DSCAM: variants seen among roughly 807,000 people sequenced by gnomAD.
DSCAM encodes the protein cell adhesion molecule DSCAM.
In DSCAM, 47 loss-of-function variants were observed where a neutral mutation model predicts 217.7. That is an observed-to-expected ratio of 0.22 (90% confidence interval 0.17 to 0.28). DSCAM has a LOEUF of 0.28. DSCAM is among the 10% of genes least tolerant of loss of function. The pLI is 1.00. For synonymous variants in DSCAM, 1,056 were observed against 1,015.3 expected (o/e 1.04, Z -0.76); for missense variants, 2,080 against 2,618.3 (o/e 0.79, Z 4.49).
intron 9 of DSCAM, among the ~76,000 whole-genome samples, chr21:40,306,994 T>C (rs1449259604): frequency 2.0e-5 from 3 of 152,156 alleles, no homozygotes; most frequent in African/African-American, 4.8e-5. Flanking sequence ...TTTCTATTGA[T>C]TGGAATAATT....
chr21:40,630,364 T>C (rs542955010), intron 3 of DSCAM, among the ~76,000 whole-genome samples: 16 of 152,316 alleles, frequency 1.1e-4, no homozygotes, highest in Non-Finnish European at 1.9e-4. Context: ...TTATGTATAT[T>C]TTACCACAAC....
chr21:40,702,752 T>A (rs1197103638), intron 2 of DSCAM, among the ~76,000 whole-genome samples: 1 of 152,186 alleles, frequency 6.6e-6, no homozygotes, highest in Admixed American at 6.5e-5. Context: ...CTATTTTTTC[T>A]CCTTTGTGGG....
chr21:40,073,536 A>G (rs1444390695), intron 27 of DSCAM, among the ~76,000 whole-genome samples: 2 of 152,322 alleles, frequency 1.3e-5, no homozygotes, highest in East Asian at 3.9e-4. Flanking sequence ...AACATGGTCC[A>G]CATTATATGG....
At chr21:40,783,909 C>T (rs1195430614) in intron 1 of DSCAM, among the ~76,000 whole-genome samples, 1 of 151,946 alleles carries the variant, frequency 6.6e-6, no homozygotes, top group Non-Finnish European at 1.5e-5. Context: ...ACATACAGAC[C>T]TTTAAAAAAT....
At chr21:40,037,794 G>A (rs1021389531) in intron 32 of DSCAM, among the ~76,000 whole-genome samples, 4 of 141,976 alleles carry the variant, frequency 2.8e-5, no homozygotes, top group African/African-American at 1.1e-4. Flanking sequence ...AACCAAAACA[G>A]CATGGTACTG....
chr21:40,671,055 A>G (rs2090267689), intron 3 of DSCAM, among the ~76,000 whole-genome samples: 1 of 152,214 alleles, frequency 6.6e-6, no homozygotes, highest in Non-Finnish European at 1.5e-5. Flanking sequence ...TGCCATATGA[A>G]AGCCTGAGAC....
chr21:40,548,395 G>A (rs1041642635), intron 3 of DSCAM, among the ~76,000 whole-genome samples: 2 of 151,950 alleles, frequency 1.3e-5, no homozygotes, highest in African/African-American at 2.4e-5. Flanking sequence ...ATCTTAAAGC[G>A]CCCACATCTG....
chr21:40,369,388 G>C (rs895748584), intron 3 of DSCAM, 143 bp from the exon 4 acceptor site: 1 of 330,326 alleles, frequency 3.0e-6, no homozygotes, highest in Non-Finnish European at 5.1e-6. Context: ...GCGTCTGCGT[G>C]TGTGTGTGTG....
chr21:40,257,047 CAATACTT>C (rs1332434777), intron 11 of DSCAM, among the ~76,000 whole-genome samples: 1 of 152,148 alleles, frequency 6.6e-6, no homozygotes, highest in African/African-American at 2.4e-5. Context: ...GTGAAGTTGA[CAATACTT>C]AAATACTATG....
At chr21:40,785,910 T>C (rs555984696) in intron 1 of DSCAM, among the ~76,000 whole-genome samples, 2 of 152,324 alleles carry the variant, frequency 1.3e-5, no homozygotes, top group African/African-American at 4.8e-5. Flanking sequence ...TGGTATTTTT[T>C]CCCTAATGCT....
intron 1 of DSCAM, among the ~76,000 whole-genome samples, chr21:40,734,392 A>G (rs929239888): frequency 1.3e-5 from 2 of 152,214 alleles, no homozygotes; most frequent in Non-Finnish European, 2.9e-5. Context: ...CCCACAGCAC[A>G]TGGGTGCCAT....
chr21:40,192,494 C>T (rs2090962301), intron 11 of DSCAM, among the ~76,000 whole-genome samples: 1 of 152,200 alleles, frequency 6.6e-6, no homozygotes, highest in Non-Finnish European at 1.5e-5. Flanking sequence ...TTTGCTTCCC[C>T]TTTCACCATG....
intron 20 of DSCAM, among the ~76,000 whole-genome samples, chr21:40,102,824 G>A (rs930637005): frequency 6.6e-6 from 1 of 152,158 alleles, no homozygotes; most frequent in South Asian, 2.1e-4. Context: ...TCAATCAGGG[G>A]CTAAGTCTGC....
At chr21:40,453,644 T>G (rs1440358366) in intron 3 of DSCAM, among the ~76,000 whole-genome samples, 1 of 152,226 alleles carries the variant, frequency 6.6e-6, no homozygotes, top group Non-Finnish European at 1.5e-5. Context: ...TATTTGCTGC[T>G]GTTGACAAGA....
chr21:40,747,182 C>T (rs1391528141), intron 1 of DSCAM, among the ~76,000 whole-genome samples: 1 of 150,566 alleles, frequency 6.6e-6, no homozygotes, highest in African/African-American at 2.4e-5. Flanking sequence ...AACTGAACCC[C>T]AAATTAGAAG....
chr21:40,136,288 T>C (rs2090208184), intron 18 of DSCAM, among the ~76,000 whole-genome samples: 1 of 152,224 alleles, frequency 6.6e-6, no homozygotes, highest in African/African-American at 2.4e-5. Flanking sequence ...TTTTCCTGAA[T>C]ATATTTAACA....
At chr21:40,055,944 T>C in intron 28 of DSCAM, 104 bp from the exon 29 acceptor site, 4 of 790,730 alleles carry the variant, frequency 5.1e-6, no homozygotes, top group African/African-American at 1.7e-5. Flanking sequence ...AATATACAAA[T>C]ACCTTGTGAG....
At chr21:40,643,767 T>C (rs2089910941) in intron 3 of DSCAM, among the ~76,000 whole-genome samples, 2 of 152,226 alleles carry the variant, frequency 1.3e-5, no homozygotes, top group African/African-American at 4.8e-5. Flanking sequence ...ATACCAGGGA[T>C]GTGTGCACAG....
intron 1 of DSCAM, among the ~76,000 whole-genome samples, chr21:40,753,062 C>A (rs571173186): frequency 1.7e-4 from 26 of 152,330 alleles, no homozygotes; most frequent in African/African-American, 6.0e-4. Flanking sequence ...GGAGCCCAGC[C>A]TTTTTCTTCT....
Sources: gnomAD v4.1 joint callset for allele counts (sites outside exome capture counted in the v4.1 genomes callset) on GRCh38, gnomAD v4.1.1 for gene constraint, MANE v1.5 for transcripts, NCBI Gene and HGNC (gene_info 2026-07-23, HGNC 2026-07-21) for gene names.